The following RIPOR2 variants were observed in gnomAD, a reference collection of about 807,000 sequenced individuals.
RIPOR2 encodes RHO family interacting cell polarization regulator 2.
A neutral mutation model predicts 114.5 loss-of-function variants in RIPOR2; 39 were observed. The observed-to-expected ratio is 0.34, with a 90% CI of 0.26 to 0.44. RIPOR2 has a LOEUF of 0.44. Ranked by LOEUF, RIPOR2 falls within the 20% of genes least tolerant of loss-of-function variation. The pLI, the probability that RIPOR2 is intolerant of heterozygous loss-of-function variation, is 1.00. For missense variants in RIPOR2, 1,007 were observed against 1,255.1 expected (o/e 0.80, Z 2.99); for synonymous variants, 445 against 484.4 (o/e 0.92, Z 1.07).
At chr6:25,023,532 C>T in intron 1 of RIPOR2, 1 of 773,616 alleles carries the variant, frequency 1.3e-6, no homozygotes, top group East Asian at 2.4e-5. Context: ...GCGGTGTACA[C>T]CAGCTCAGCA....
chr6:24,945,080 T>C (rs1191713960), intron 1 of RIPOR2, among the ~76,000 whole-genome samples: 1 of 152,158 alleles, frequency 6.6e-6, no homozygotes, highest in Non-Finnish European at 1.5e-5. Flanking sequence ...CTCTGATTTG[T>C]ATATATTCCA....
chr6:24,837,414 C>G (rs1395467836), intron 14 of RIPOR2, among the ~76,000 whole-genome samples: 1 of 152,002 alleles, frequency 6.6e-6, no homozygotes, highest in Admixed American at 6.6e-5. Context: ...GCCACCACTC[C>G]CGGCCTTATT....
chr6:24,875,808 G>A lies in RIPOR2; in HGVS notation c.71C>T (p.Thr24Ile). 1 of 1,609,390 alleles carries A rather than the reference G, an allele frequency of 6.2e-7. No individual in the cohort carries two copies. Among genetic ancestry groups the A allele is most frequent in the Non-Finnish European group, 8.5e-7 (1 of 1,177,774 alleles). Residue 24 changes from threonine (T) to isoleucine (I), a missense_variant, in exon 2 of 22, where the codon ACC (threonine) becomes ATC (isoleucine). Coordinates refer to ENST00000643898, the MANE Select transcript of RIPOR2 (RefSeq NM_001286445.3). The part of the protein sequence containing the change: ...EDDVFGEGLP[T>I]RLPEIMLVGS... ...TACCAACATGATTTCCGGGAGTCTG[G>A]TCGGTAGTCCTAGAAGACAGTGGAA...
At chr6:24,958,142 A>G (rs1773129572) in intron 1 of RIPOR2, among the ~76,000 whole-genome samples, 1 of 152,228 alleles carries the variant, frequency 6.6e-6, no homozygotes, top group Admixed American at 6.5e-5. Flanking sequence ...TCAGAGAATG[A>G]ATTTTAAAAA....
intron 6 of RIPOR2, among the ~76,000 whole-genome samples, chr6:24,867,955 A>G (rs1293315461): frequency 6.6e-6 from 1 of 152,240 alleles, no homozygotes; most frequent in Non-Finnish European, 1.5e-5. Context: ...AGATTGATAA[A>G]TATACCCTTA....
At chr6:24,934,985 G>A (rs1309415782) in intron 1 of RIPOR2, among the ~76,000 whole-genome samples, 1 of 152,120 alleles carries the variant, frequency 6.6e-6, no homozygotes, top group Non-Finnish European at 1.5e-5. Flanking sequence ...GAGGGTTGGA[G>A]TGCCAAGTAT....
At chr6:24,976,027 A>G (rs1003660579) in intron 1 of RIPOR2, among the ~76,000 whole-genome samples, 3 of 152,194 alleles carry the variant, frequency 2.0e-5, no homozygotes, top group Admixed American at 6.5e-5. Flanking sequence ...AAAAGAGAAA[A>G]GTGTCAAATT....
intron 1 of RIPOR2, among the ~76,000 whole-genome samples, chr6:25,013,523 A>C (rs900613435): frequency 4.6e-5 from 7 of 152,236 alleles, no homozygotes; most frequent in African/African-American, 1.7e-4. Context: ...TAGGGAGGTG[A>C]GCCCACCTTC....
At chr6:25,016,661 G>C (rs1469895525) in intron 1 of RIPOR2, among the ~76,000 whole-genome samples, 1 of 152,204 alleles carries the variant, frequency 6.6e-6, no homozygotes, top group Non-Finnish European at 1.5e-5. Context: ...AAAGTCTTGT[G>C]TCTGGCGATA....
At chr6:24,963,227 T>A (rs1340429238) in intron 1 of RIPOR2, among the ~76,000 whole-genome samples, 1 of 152,086 alleles carries the variant, frequency 6.6e-6, no homozygotes, top group Admixed American at 6.6e-5. Context: ...GAGACGGGGT[T>A]TCACCATGTT....
intron 9 of RIPOR2, among the ~76,000 whole-genome samples, chr6:24,852,091 C>G (rs995518631): frequency 2.6e-5 from 4 of 151,932 alleles, no homozygotes; most frequent in Admixed American, 6.6e-5. Context: ...GAAACCCCAT[C>G]TCTACTAAAA....
At chr6:25,010,400 A>T (rs1037531607) in intron 1 of RIPOR2, among the ~76,000 whole-genome samples, 4 of 151,916 alleles carry the variant, frequency 2.6e-5, no homozygotes, top group African/African-American at 9.7e-5. Context: ...AAGCAGTCTG[A>T]CGCCTTCACC....
Position 24,832,375 on chromosome 6 carries a change from C to G in RIPOR2, c.2225G>C (p.Ser742Thr), listed in dbSNP as rs985807830. ...ACTTCTTGCCACAAATGGGGTTTTG[C>G]TTGAGAAAACAATTTGCTGGTAAAA... is the stretch of plus-strand genomic sequence containing the variant. ...TQLVQQIVFS[S>T]KTPFVARSLL... The change falls in exon 16 of 22, where the codon AGC (serine) becomes ACC (threonine). Residue 742 changes from serine to threonine, a missense_variant. Transcript: ENST00000643898. 7.1e-6 allele frequency: 11 copies of G among 1,551,914 alleles called. No homozygotes were observed. The highest frequency in any genetic ancestry group is 9.6e-6 in the Non-Finnish European group (11 of 1,147,034).
intron 1 of RIPOR2, among the ~76,000 whole-genome samples, chr6:24,919,086 C>T (rs900260251): frequency 2.6e-5 from 4 of 152,230 alleles, no homozygotes; most frequent in Middle Eastern, 3.2e-3. Flanking sequence ...ACTCCTGCAG[C>T]ACAGCTTGCT....
At position 24,927,144 on chromosome 6, in the gene RIPOR2, C is replaced by T. The variant is rs1191865968; in HGVS notation, c.61+8694G>A. Among the ~76,000 whole-genome samples, 163 of 102,918 alleles carry T rather than the reference C, an allele frequency of 1.6e-3. 74 individuals are homozygous for T. The highest frequency in any genetic ancestry group is 9.1e-3 in the Admixed American group (93 of 10,168). The allele number at this position is 102,918 out of a possible 152,430, so 67.5% of individuals were successfully genotyped here. A position where few individuals can be genotyped will look rare whatever the true frequency, so the allele number is the denominator to read the frequency against. On this transcript the variant is annotated intron_variant, in intron 1 of 21. Coordinates refer to ENST00000643898, the MANE Select transcript of RIPOR2 (RefSeq NM_001286445.3). ...ATAATCATCATCTCACTACCACCAC[C>T]ACCACCACCACCACCACAACTACAA... is the stretch of plus-strand genomic sequence containing the variant.
rs1446103197 is a variant in RIPOR2, at chr6:24,883,893, T to C, written c.62-8076A>G. 6.6e-6 allele frequency among the ~76,000 whole-genome samples: 1 copy of C among 152,142 alleles called. No homozygotes were observed. The highest frequency in any genetic ancestry group is 1.5e-5 in the Non-Finnish European group (1 of 68,028). On this transcript the variant is annotated intron_variant, in intron 1 of 21. Coordinates refer to ENST00000643898, the MANE Select transcript of RIPOR2 (RefSeq NM_001286445.3). This position sits in a 1 kb window ranked among gnomAD's most constrained non-coding sequence, Gnocchi z 4.1. ...GCCATCCTGTTTATGCTCCCCCACA[T>C]CGTGGTCAAAAGCAGATGTATAATT...
At chr6:24,898,058 GAAGGAAGGAAGGAAGGAAGC>G (rs1204185502) in intron 1 of RIPOR2, among the ~76,000 whole-genome samples, 2 of 151,734 alleles carry the variant, frequency 1.3e-5, no homozygotes, top group African/African-American at 4.8e-5. Flanking sequence ...AGGAAGGAAA[GAAGGAAGGAAGGAAGGAAGC>G]AAGGAAGGAA....
intron 14 of RIPOR2, chr6:24,836,199 A>C (rs895249302): frequency 7.8e-6 from 2 of 257,938 alleles, no homozygotes; most frequent in Non-Finnish European, 1.5e-5. Flanking sequence ...CTCTGTTGAC[A>C]GGGTGATCTG....
chr6:24,896,206 C>T (rs1767854797), intron 1 of RIPOR2, among the ~76,000 whole-genome samples: 3 of 137,260 alleles, frequency 2.2e-5, no homozygotes, highest in African/African-American at 1.0e-4. Flanking sequence ...ATGGCAGCAC[C>T]ACTTTATACT....
Sources: gnomAD v4.1 joint callset for allele counts (sites outside exome capture counted in the v4.1 genomes callset) on GRCh38, gnomAD v4.1.1 for gene constraint, Gnocchi (gnomAD v3.1) non-coding constraint, MANE v1.5 for transcripts, NCBI Gene and HGNC (gene_info 2026-07-23, HGNC 2026-07-21) for gene names.